Variants in ZNF780B observed in about 807,000 individuals in gnomAD.
ZNF780B encodes the protein zinc finger protein 780B, also known as zinc finger protein 779.
ZNF780B carries 52 observed loss-of-function variants against 74.1 expected under a neutral mutation model. The ratio of observed to expected loss-of-function variants is 0.70; its 90% confidence interval spans 0.56 to 0.88. The LOEUF is 0.88. ZNF780B is among the 40% of genes least tolerant of loss of function. ZNF780B has a pLI of 0.00. For missense variants in ZNF780B, 953 were observed against 1,007.6 expected, an observed-to-expected ratio of 0.95 and a Z score of 0.73; for synonymous variants, 315 against 324.3, an observed-to-expected ratio of 0.97 and a Z score of 0.31.
At chr19:40,048,836 A>C in intron 2 of ZNF780B, 40 bp from the exon 3 acceptor site, 7 of 1,610,820 alleles carry the variant, frequency 4.3e-6, no homozygotes, top group Non-Finnish European at 5.9e-6. Flanking sequence ...AAATTGAAGA[A>C]AGTTGTTTCA....
rs34975062 is a variant in ZNF780B at position 40,032,717 on chromosome 19, C to CAA, written c.*1638_*1639dup. ...TGGGCGACAGAGCGAGACTCCATCT[C>CAA]AAAAAAAAAAAAAAAAAAAGAGAAA... On this transcript the variant is annotated 3_prime_UTR_variant, in exon 5 of 5. Transcript: ENST00000434248. 37 of 58,622 alleles carry CAA rather than the reference C, an allele frequency of 6.3e-4. No individual in the cohort carries two copies. The highest frequency in any genetic ancestry group is 1.2e-3 in the East Asian group (2 of 1,610). The allele number at this position is 58,622 out of a possible 1,614,324, so 3.6% of individuals were successfully genotyped here.
At position 40,031,384 on chromosome 19, in the gene ZNF780B, G is replaced by C. The variant is rs1434299137; in HGVS notation, c.*2973C>G. 1 of 152,138 alleles carries C rather than the reference G, an allele frequency of 6.6e-6. No individual in the cohort carries two copies. The highest frequency in any genetic ancestry group is 2.4e-5 in the African/African-American group (1 of 41,434). The allele number at this position is 152,138 out of a possible 1,614,324, so 9.4% of individuals were successfully genotyped here. A position where few individuals can be genotyped will look rare whatever the true frequency, so the allele number is the denominator to read the frequency against. Reference sequence around the variant, plus strand: ...TTACAGGAATGCACCACCATGTCCAGCTAATTTTTTTATTTTTAGGAGAGA... The same window carrying C: ...TTACAGGAATGCACCACCATGTCCACCTAATTTTTTTATTTTTAGGAGAGA... On this transcript the variant is annotated 3_prime_UTR_variant, in exon 5 of 5. Transcript: ENST00000434248.
At position 40,037,679 on chromosome 19, in the gene ZNF780B, C is replaced by T. The variant is rs546535563; in HGVS notation, c.233-1053G>A. Among the ~76,000 whole-genome samples the T allele has an allele frequency of 7.2e-5, 11 of 152,206 alleles. No homozygotes were observed. In the South Asian group the frequency reaches 2.3e-3, roughly 32 times the overall value. On this transcript the variant is annotated intron_variant, in intron 4 of 4. Transcript: ENST00000434248. ...GAATGGTTTATCTTTAGTCTTAGCA[C>T]AAAATCCAAAAACCTTAACACAGAG... is the stretch of plus-strand genomic sequence containing the variant.
chr19:40,042,041 G>T (rs989930421), intron 4 of ZNF780B, among the ~76,000 whole-genome samples: 1 of 152,112 alleles, frequency 6.6e-6, no homozygotes, highest in Non-Finnish European at 1.5e-5. Context: ...GCAGTGGCTG[G>T]CACCGGTTGT....
At position 40,032,696 on chromosome 19, in the gene ZNF780B, C is replaced by T. The variant is rs142170379; in HGVS notation, c.*1661G>A. 1,736 of 131,898 alleles carry T rather than the reference C, an allele frequency of 0.013. 36 individuals are homozygous for T. Among genetic ancestry groups the T allele is most frequent in the East Asian group, 0.081 (377 of 4,654 alleles). 8.2% of individuals were successfully genotyped at this position (131,898 alleles called of 1,614,324 possible). On this transcript the variant is annotated 3_prime_UTR_variant, in exon 5 of 5. Transcript: ENST00000434248. ...TCGCACCACTGCACTCCAGTCTGGG[C>T]GACAGAGCGAGACTCCATCTCAAAA...
chr19:40,038,799 T>TTCTGGATATTAGCC, intron 4 of ZNF780B, among the ~76,000 whole-genome samples: 1 of 151,982 alleles, frequency 6.6e-6, no homozygotes, highest in African/African-American at 2.4e-5. Flanking sequence ...TCATTGTAGA[T>TTCTGGATATTAGCC]TCTGGATATT....
In ZNF780B at chr19:40,035,938, A is replaced by G. The variant is rs371876870; in HGVS notation, c.921T>C (p.Cys307=). Residue 307 remains cysteine (C), a synonymous_variant, in exon 5 of 5, where the codon TGT becomes TGC. Transcript: ENST00000434248. ...KIHSNEKPFV[C]RECEMAFRYH... ...ATCGAAAGGCCATCTCACATTCCCT[A>G]CATACAAAGGGTTTCTCATTGGAAT... The G allele has an allele frequency of 6.8e-5, 110 of 1,613,576 alleles. No individual in the cohort carries two copies. The highest frequency in any genetic ancestry group is 9.0e-5 in the Non-Finnish European group (106 of 1,179,926).
chr19:40,048,861 G>C, intron 2 of ZNF780B, 65 bp from the exon 3 acceptor site: 1 of 1,605,172 alleles, frequency 6.2e-7, no homozygotes, highest in African/African-American at 1.3e-5. Flanking sequence ...GAAAGGAGAG[G>C]AAGTGAAGGA....
At chr19:40,051,420 T>A (rs1973229401) in intron 1 of ZNF780B, among the ~76,000 whole-genome samples, 1 of 152,164 alleles carries the variant, frequency 6.6e-6, no homozygotes, top group Non-Finnish European at 1.5e-5. Flanking sequence ...TTTTATGTAA[T>A]AAATTTGTTT....
intron 4 of ZNF780B, among the ~76,000 whole-genome samples, chr19:40,041,920 T>G (rs986874235): frequency 1.3e-5 from 2 of 152,172 alleles, no homozygotes; most frequent in Non-Finnish European, 2.9e-5. Flanking sequence ...AAAGTTAATA[T>G]TGTTATGTGT....
intron 1 of ZNF780B, among the ~76,000 whole-genome samples, chr19:40,054,604 C>T (rs1159689381): frequency 6.6e-6 from 1 of 152,234 alleles, no homozygotes; most frequent in Non-Finnish European, 1.5e-5. Context: ...CAATGAATCA[C>T]ATATTCCCAA....
Position 40,048,759 on chromosome 19 carries a change from G to T in ZNF780B, c.47C>A (p.Ser16Tyr), listed in dbSNP as rs757298542. ...CTGCAGGCACTCCCACTCCTCCTGA[G>T]AGAAGTCAATGGCCACATCCCTGAA... is the stretch of plus-strand genomic sequence containing the variant. ...VTFRDVAIDF[S>Y]QEEWECLQPD... Residue 16 changes from serine (S) to tyrosine (Y), a missense_variant, in exon 3 of 5, where the codon TCT becomes TAT. Coordinates refer to ENST00000434248, the MANE Select transcript of ZNF780B (RefSeq NM_001005851.3). The T allele has an allele frequency of 8.1e-6, 13 of 1,614,174 alleles. No homozygotes were observed. In the South Asian group the frequency reaches 1.4e-4, roughly 18 times the overall value.
At chr19:40,043,873 G>T (rs978642594) in intron 4 of ZNF780B, among the ~76,000 whole-genome samples, 3 of 152,170 alleles carry the variant, frequency 2.0e-5, no homozygotes, top group Admixed American at 6.5e-5. Context: ...GCAATGCCTC[G>T]CCCTGCTTTG....
In ZNF780B at chr19:40,035,036, G is replaced by C. The variant is rs1599760419; in HGVS notation, c.1823C>G (p.Thr608Ser). 1 of 1,614,174 alleles carries C rather than the reference G, an allele frequency of 6.2e-7. No individual in the cohort carries two copies. The highest frequency in any genetic ancestry group is 8.5e-7 in the Non-Finnish European group (1 of 1,180,016). Reference protein sequence around the residue: ...MHLIRHQKFHTGEKPFECKEC... With the variant: ...MHLIRHQKFHSGEKPFECKEC... ...CTTACATTCAAAGGGCTTCTCACCA[G>C]TATGAAATTTCTGATGTCGAATAAG... is the stretch of plus-strand genomic sequence containing the variant. Residue 608 changes from threonine to serine, a missense_variant, in exon 5 of 5, where the codon ACT becomes AGT. Transcript: ENST00000434248.
intron 3 of ZNF780B, among the ~76,000 whole-genome samples, chr19:40,048,305 C>T (rs1008837295): frequency 6.6e-6 from 1 of 151,996 alleles, no homozygotes; most frequent in Admixed American, 6.6e-5. Context: ...TACAGGTGGG[C>T]CAGAAAAACA....
In ZNF780B at chr19:40,036,609, C is replaced by T; in HGVS notation, c.250G>A (p.Gly84Arg). ...TTTTCTGGAGATATTTTCTCAGGTC[C>T]ATATTTTGACTCCAAATCTGAAAGA... is the stretch of plus-strand genomic sequence containing the variant. ...RWYPDLESKY[G>R]PEKISPENDI... The change falls in exon 5 of 5, where the codon GGA becomes AGA. Residue 84 changes from glycine to arginine, a missense_variant. By Grantham distance (125) the Gly-to-Arg change is moderately radical (BLOSUM62 -2). Coordinates refer to ENST00000434248, the MANE Select transcript of ZNF780B (RefSeq NM_001005851.3). 3 of 1,536,494 alleles carry T rather than the reference C, an allele frequency of 2.0e-6. No homozygotes were observed. Among genetic ancestry groups the T allele is most frequent in the East Asian group, 2.3e-5 (1 of 43,640 alleles).
rs537348490 is a variant in ZNF780B, at chr19:40,035,897, A to G, written c.962T>C (p.Ile321Thr). ...GCCAGTATGAATTCGGCAATGTTCA[A>G]TGAGTTGGTAATGATATCGAAAGGC... Reference protein sequence around the residue: ...EMAFRYHYQLIEHCRIHTGEK... With the variant: ...EMAFRYHYQLTEHCRIHTGEK... The change falls in exon 5 of 5, where the codon ATT becomes ACT. Residue 321 changes from isoleucine to threonine, a missense_variant. Physicochemically the swap from Ile to Thr is moderately conservative, Grantham distance 89. Coordinates refer to ENST00000434248, the MANE Select transcript of ZNF780B (RefSeq NM_001005851.3). The G allele has an allele frequency of 1.9e-6, 3 of 1,613,372 alleles. No individual in the cohort carries two copies. The highest frequency in any genetic ancestry group is 2.2e-5 in the East Asian group (1 of 44,806).
chr19:40,055,577 C>T (rs1973456303), intron 1 of ZNF780B: 1 of 152,126 alleles, frequency 6.6e-6, no homozygotes, highest in Non-Finnish European at 1.5e-5. Context: ...ACTTCCCTCA[C>T]TTCGTACGAA....
In ZNF780B at chr19:40,035,928, C is replaced by G. The variant is rs1418532195; in HGVS notation, c.931G>C (p.Glu311Gln). Residue 311 changes from glutamate to glutamine, a missense_variant, in exon 5 of 5, where the codon GAG (glutamate) becomes CAG (glutamine). Coordinates refer to ENST00000434248, the MANE Select transcript of ZNF780B (RefSeq NM_001005851.3). ...TGGTAATGATATCGAAAGGCCATCTCACATTCCCTACATACAAAGGGTTTC... is the reference window on the plus strand; with the variant it reads ...TGGTAATGATATCGAAAGGCCATCTGACATTCCCTACATACAAAGGGTTTC... The part of the protein sequence containing the change: ...NEKPFVCREC[E>Q]MAFRYHYQLI... 6.2e-7 allele frequency: 1 copy of G among 1,613,662 alleles called. No individual in the cohort carries two copies. Among genetic ancestry groups the G allele is most frequent in the Non-Finnish European group, 8.5e-7 (1 of 1,179,962 alleles).
Sources: allele counts gnomAD v4.1 joint callset (sites outside exome capture counted in the v4.1 genomes callset), GRCh38; gene constraint gnomAD v4.1.1; transcripts MANE v1.5; gene names NCBI Gene and HGNC (gene_info 2026-07-23, HGNC 2026-07-21).